ZFPM2: variants seen among roughly 807,000 people sequenced by gnomAD.
ZFPM2 encodes zinc finger protein ZFPM2.
In ZFPM2, 20 loss-of-function variants were observed where a neutral mutation model predicts 98.6. The observed-to-expected ratio is 0.20, with a 90% CI of 0.14 to 0.29. The LOEUF is 0.29. Ranked by LOEUF, ZFPM2 falls within the 10% of genes least tolerant of loss-of-function variation. The pLI, the probability that ZFPM2 is intolerant of heterozygous loss-of-function variation, is 1.00. For synonymous variants in ZFPM2, 518 were observed against 502.7 expected, an observed-to-expected ratio of 1.03 and a Z score of -0.41; for missense variants, 1,310 against 1,388.6, an observed-to-expected ratio of 0.94 and a Z score of 0.90.
At chr8:105,380,706 TA>T (rs1563630996) in intron 1 of ZFPM2, among the ~76,000 whole-genome samples, 1,456 of 25,014 alleles carry the variant, frequency 0.058, 164 homozygotes, top group South Asian at 0.23. Flanking sequence ...ACATATATAA[TA>T]TATATATATA....
chr8:105,656,174 C>T (rs1161058115), intron 5 of ZFPM2, among the ~76,000 whole-genome samples: 1 of 150,980 alleles, frequency 6.6e-6, no homozygotes, highest in Non-Finnish European at 1.5e-5. Context: ...CACACACATA[C>T]ACATATCCCT....
chr8:105,460,495 T>C (rs1812683957), intron 3 of ZFPM2, among the ~76,000 whole-genome samples: 2 of 152,252 alleles, frequency 1.3e-5, no homozygotes, highest in African/African-American at 2.4e-5. Flanking sequence ...GGAAAAGGCA[T>C]TCCAGCATCG....
At chr8:105,649,981 G>A (rs1397274670) in intron 5 of ZFPM2, among the ~76,000 whole-genome samples, 2 of 152,104 alleles carry the variant, frequency 1.3e-5, no homozygotes, top group East Asian at 1.9e-4. Flanking sequence ...TTTACCTCTG[G>A]TAGAATTTGG....
chr8:105,620,913 C>T (rs1186093871), intron 4 of ZFPM2, among the ~76,000 whole-genome samples: 1 of 152,118 alleles, frequency 6.6e-6, no homozygotes, highest in African/African-American at 2.4e-5. Context: ...GTACCAGTAC[C>T]ATGCTGTTTT....
At chr8:105,569,671 A>G (rs978854649) in intron 4 of ZFPM2, among the ~76,000 whole-genome samples, 3 of 152,186 alleles carry the variant, frequency 2.0e-5, no homozygotes, top group Non-Finnish European at 4.4e-5. Flanking sequence ...TGTTGCGCCT[A>G]GTGAGGCAAT....
intron 3 of ZFPM2, among the ~76,000 whole-genome samples, chr8:105,489,900 C>A (rs1022823925): frequency 6.6e-6 from 1 of 152,102 alleles, no homozygotes; most frequent in African/African-American, 2.4e-5. Flanking sequence ...AGGGGACTCA[C>A]AACTAATTAC....
rs1563637738 is a variant in ZFPM2 at position 105,393,326 on chromosome 8, C to CTG, written c.41-25817_41-25816insGT. 1.1e-4 allele frequency among the ~76,000 whole-genome samples: 12 copies of CTG among 106,158 alleles called. No homozygotes were observed. In the East Asian group the frequency reaches 1.8e-3, roughly 16 times the overall value. The allele number at this position is 106,158 out of a possible 152,430, so 69.6% of individuals were successfully genotyped here. A position where few individuals can be genotyped will look rare whatever the true frequency, so the allele number is the denominator to read the frequency against. ...CTTCCTTCCTTTCTTCCTTCCCTCT[C>CTG]TCTCTCTTTGCCTTTCTTTCTTTCT... is the stretch of plus-strand genomic sequence containing the variant. On this transcript the variant is annotated intron_variant, in intron 1 of 7. Transcript: ENST00000407775.
chr8:105,430,928 G>T (rs1399462122), intron 2 of ZFPM2, among the ~76,000 whole-genome samples: 1 of 147,478 alleles, frequency 6.8e-6, no homozygotes, highest in Non-Finnish European at 1.5e-5. Context: ...TTTCGAGATG[G>T]AGTCTCACAA....
chr8:105,798,794 G>A lies in ZFPM2; in HGVS notation c.810G>A (p.Met270Ile). The A allele has an allele frequency of 6.2e-7, 1 of 1,613,928 alleles. No homozygotes were observed. The highest frequency in any genetic ancestry group is 1.1e-5 in the South Asian group (1 of 91,080). Residue 270 changes from methionine to isoleucine, a missense_variant, in exon 7 of 8, where the codon ATG becomes ATA. By Grantham distance (10) the Met-to-Ile change is conservative. Transcript: ENST00000407775. ...RSERNLQAHL[M>I]YYCSGRQREA... ...AGCGGAATCTGCAGGCCCATTTGAT[G>A]TACTACTGCAGTGGGAGGCAAAGAG...
At chr8:105,484,976 A>G (rs1247047551) in intron 3 of ZFPM2, among the ~76,000 whole-genome samples, 2 of 152,218 alleles carry the variant, frequency 1.3e-5, no homozygotes, top group Non-Finnish European at 2.9e-5. Context: ...AAACCCTGAT[A>G]AAGACAGACT....
At chr8:105,341,953 C>T (rs1326132324) in intron 1 of ZFPM2, among the ~76,000 whole-genome samples, 4 of 152,004 alleles carry the variant, frequency 2.6e-5, no homozygotes, top group Non-Finnish European at 4.4e-5. Context: ...AAGTTAAATG[C>T]CTGGGCATTT....
At chr8:105,505,590 A>G (rs1208133777) in intron 3 of ZFPM2, among the ~76,000 whole-genome samples, 2 of 152,092 alleles carry the variant, frequency 1.3e-5, no homozygotes, top group Non-Finnish European at 2.9e-5. Flanking sequence ...GAAATACAGT[A>G]TTTGGCTTTT....
chr8:105,461,471 T>G (rs2130303815), intron 3 of ZFPM2, among the ~76,000 whole-genome samples: 1 of 152,284 alleles, frequency 6.6e-6, no homozygotes, highest in South Asian at 2.1e-4. Flanking sequence ...TCACTGATAG[T>G]CATTTTCAGA....
chr8:105,419,254 G>C lies in ZFPM2; in HGVS notation c.151G>C (p.Gly51Arg). The C allele has an allele frequency of 8.1e-6, 13 of 1,613,566 alleles. No homozygotes were observed. The highest frequency in any genetic ancestry group is 9.3e-6 in the Non-Finnish European group (11 of 1,179,668). The change falls in exon 2 of 8, where the codon GGG (glycine) becomes CGG (arginine). Residue 51 changes from glycine (G) to arginine (R), a missense_variant. Transcript: ENST00000407775. ...GGAGGAAAGCTTTTCCACAGAATTT[G>C]GGCCTGAAAATCTGAGCTGCGAAGA... ...PLEESFSTEF[G>R]PENLSCEEVE...
chr8:105,685,560 G>A (rs902087163), intron 5 of ZFPM2, among the ~76,000 whole-genome samples: 7 of 151,878 alleles, frequency 4.6e-5, no homozygotes, highest in African/African-American at 9.7e-5. Context: ...CACTTTATGA[G>A]GAACAAATTT....
chr8:105,623,221 C>T (rs185488024), intron 4 of ZFPM2, among the ~76,000 whole-genome samples: 1 of 152,244 alleles, frequency 6.6e-6, no homozygotes, highest in East Asian at 1.9e-4. Flanking sequence ...CTCAGAAAAT[C>T]TGCCTTCCCA....
intron 2 of ZFPM2, among the ~76,000 whole-genome samples, chr8:105,430,966 C>T (rs906635556): frequency 3.4e-5 from 5 of 149,056 alleles, no homozygotes; most frequent in African/African-American, 1.0e-4. Flanking sequence ...TGCGATGGAG[C>T]GATCTCGGCT....
intron 5 of ZFPM2, among the ~76,000 whole-genome samples, chr8:105,725,724 A>G (rs1425977457): frequency 2.0e-5 from 3 of 151,722 alleles, no homozygotes; most frequent in Non-Finnish European, 2.9e-5. Flanking sequence ...TATATTGTGT[A>G]TGCTGCTATA....
intron 3 of ZFPM2, among the ~76,000 whole-genome samples, chr8:105,492,395 A>C (rs1813373255): frequency 6.6e-6 from 1 of 152,198 alleles, no homozygotes; most frequent in African/African-American, 2.4e-5. Flanking sequence ...CTAGTACTGA[A>C]AAAATAGTAT....
Sources: gnomAD v4.1 joint callset for allele counts (sites outside exome capture counted in the v4.1 genomes callset) on GRCh38, gnomAD v4.1.1 for gene constraint, MANE v1.5 for transcripts, NCBI Gene and HGNC (gene_info 2026-07-23, HGNC 2026-07-21) for gene names.